Variants in SGCZ observed in about 807,000 individuals in gnomAD.
SGCZ encodes the protein zeta-sarcoglycan.
SGCZ carries 40 observed loss-of-function variants against 41.3 expected under a neutral mutation model. That is an observed-to-expected ratio of 0.97 (90% CI 0.75 to 1.26). The LOEUF (loss-of-function observed/expected upper bound fraction) is 1.26. SGCZ is among the 50% of genes most tolerant of loss of function. The pLI is 0.00. For missense variants in SGCZ, 552 were observed against 369.8 expected (o/e 1.49, Z -4.04); for synonymous variants, 206 against 137.5 (o/e 1.50, Z -3.49).
intron 3 of SGCZ, among the ~76,000 whole-genome samples, chr8:14,298,898 A>G (rs1801101274): frequency 6.6e-6 from 1 of 152,002 alleles, no homozygotes. Flanking sequence ...TCTTGAAAAA[A>G]TATTTGGATA....
At chr8:15,183,863 C>T (rs567108833) in intron 1 of SGCZ, among the ~76,000 whole-genome samples, 1 of 152,230 alleles carries the variant, frequency 6.6e-6, no homozygotes, top group South Asian at 2.1e-4. Flanking sequence ...ATTAACTTTA[C>T]TAGCTAGCAT....
At chr8:14,654,087 G>A (rs1807485174) in intron 1 of SGCZ, among the ~76,000 whole-genome samples, 1 of 151,920 alleles carries the variant, frequency 6.6e-6, no homozygotes, top group Admixed American at 6.6e-5. Context: ...AGTCATAGAA[G>A]TTAACATTCA....
intron 1 of SGCZ, among the ~76,000 whole-genome samples, chr8:15,109,876 C>T (rs1274352989): frequency 2.6e-5 from 4 of 152,050 alleles, no homozygotes; most frequent in Admixed American, 1.3e-4. Context: ...AGCAATAAGG[C>T]AATCTCTTTA....
At chr8:14,978,065 G>A (rs968206702) in intron 1 of SGCZ, among the ~76,000 whole-genome samples, 4 of 151,540 alleles carry the variant, frequency 2.6e-5, no homozygotes, top group African/African-American at 4.9e-5. Flanking sequence ...TTTTCCTGTC[G>A]CGGCTAGGTG....
chr8:15,195,653 G>A (rs1437142746), intron 1 of SGCZ, among the ~76,000 whole-genome samples: 1 of 152,004 alleles, frequency 6.6e-6, no homozygotes, highest in African/African-American at 2.4e-5. Context: ...ACTTCTATAA[G>A]GCAACTAAAC....
chr8:14,785,459 T>C (rs1800738865), intron 1 of SGCZ, among the ~76,000 whole-genome samples: 1 of 152,132 alleles, frequency 6.6e-6, no homozygotes, highest in Non-Finnish European at 1.5e-5. Flanking sequence ...TTAAAATGCA[T>C]GGTATAACAT....
At chr8:14,645,609 A>T (rs894682059) in intron 1 of SGCZ, among the ~76,000 whole-genome samples, 17 of 151,262 alleles carry the variant, frequency 1.1e-4, no homozygotes, top group South Asian at 2.1e-4. Flanking sequence ...ACAGCATCAG[A>T]TTGAAAATGA....
intron 4 of SGCZ, among the ~76,000 whole-genome samples, chr8:14,209,845 AGT>A (rs1805742528): frequency 8.2e-5 from 1 of 12,226 alleles, no homozygotes; most frequent in South Asian, 6.6e-3. Flanking sequence ...TGTATGATTA[AGT>A]AAAATATAAC....
At chr8:14,668,848 T>C (rs1194166944) in intron 1 of SGCZ, among the ~76,000 whole-genome samples, 6 of 152,188 alleles carry the variant, frequency 3.9e-5, no homozygotes, top group African/African-American at 9.7e-5. Flanking sequence ...GAGGATTTGA[T>C]ATCCTTATAC....
chr8:14,234,861 T>G (rs781467045), intron 4 of SGCZ, among the ~76,000 whole-genome samples: 3 of 152,196 alleles, frequency 2.0e-5, no homozygotes, highest in Admixed American at 6.5e-5. Context: ...GGATACACTT[T>G]CTGTGTTGTG....
intron 1 of SGCZ, among the ~76,000 whole-genome samples, chr8:14,578,602 T>A (rs1804789049): frequency 6.6e-6 from 1 of 152,228 alleles, no homozygotes; most frequent in African/African-American, 2.4e-5. Context: ...AAGATTAATA[T>A]GTATGAGTGC....
intron 1 of SGCZ, among the ~76,000 whole-genome samples, chr8:15,076,229 G>A (rs1307085246): frequency 2.6e-5 from 4 of 152,036 alleles, no homozygotes; most frequent in Admixed American, 2.6e-4. Context: ...TCAGAAATTT[G>A]TCAGGACTTT....
chr8:15,208,908 G>T (rs374248882), intron 1 of SGCZ, among the ~76,000 whole-genome samples: 8,522 of 130,928 alleles, frequency 0.065, 270 homozygotes, highest in African/African-American at 0.076. Flanking sequence ...TATATAGAGA[G>T]AGAGAGAGAG....
chr8:14,519,051 A>T (rs1476508081), intron 2 of SGCZ, among the ~76,000 whole-genome samples: 17 of 149,394 alleles, frequency 1.1e-4, no homozygotes, highest in African/African-American at 4.0e-4. Flanking sequence ...CCTGAGCAAG[A>T]CAGTCAGACT....
At chr8:14,592,848 T>A (rs564717064) in intron 1 of SGCZ, among the ~76,000 whole-genome samples, 1 of 152,282 alleles carries the variant, frequency 6.6e-6, no homozygotes, top group South Asian at 2.1e-4. Flanking sequence ...TCAGACAGAC[T>A]AGAAGACAAA....
At chr8:14,575,913 C>CAAAAAAAAAAAAAAAA (rs66656586) in intron 1 of SGCZ, among the ~76,000 whole-genome samples, 19 of 100,002 alleles carry the variant, frequency 1.9e-4, no homozygotes, top group Non-Finnish European at 2.6e-4. Context: ...CTCAAAATAA[C>CAAAAAAAAAAAAAAAA]AAAAAAAAAA....
At chr8:14,536,424 G>C (rs976889638) in intron 2 of SGCZ, among the ~76,000 whole-genome samples, 11 of 151,620 alleles carry the variant, frequency 7.3e-5, no homozygotes, top group African/African-American at 2.4e-4. Flanking sequence ...ATCTAAATTT[G>C]ATCTAAAATT....
At chr8:14,763,157 T>A (rs899643077) in intron 1 of SGCZ, among the ~76,000 whole-genome samples, 2 of 152,202 alleles carry the variant, frequency 1.3e-5, no homozygotes, top group East Asian at 1.9e-4. Context: ...TATAGTCAGA[T>A]ACTGGTTAAA....
At chr8:14,890,317 T>C (rs1804966010) in intron 1 of SGCZ, among the ~76,000 whole-genome samples, 1 of 151,844 alleles carries the variant, frequency 6.6e-6, no homozygotes, top group South Asian at 2.1e-4. Flanking sequence ...AAAGAAAAAG[T>C]TCTTGAAGGA....
Sources: gnomAD v4.1 joint callset for allele counts (sites outside exome capture counted in the v4.1 genomes callset) on GRCh38, gnomAD v4.1.1 for gene constraint, MANE v1.5 for transcripts, NCBI Gene and HGNC (gene_info 2026-07-23, HGNC 2026-07-21) for gene names.